CCSER1: variants seen among roughly 807,000 people sequenced by gnomAD.
CCSER1 encodes coiled-coil serine rich protein 1.
Under a neutral mutation model 82.0 loss-of-function variants are expected in CCSER1, and 41 were observed. The ratio of observed to expected loss-of-function variants is 0.50; its 90% CI spans 0.39 to 0.65. The LOEUF is 0.65. Among genes scored for constraint, CCSER1 ranks in the 30% least tolerant of loss-of-function variants. CCSER1 has a pLI of 0.00. For synonymous variants in CCSER1, 414 were observed against 383.9 expected, an observed-to-expected ratio of 1.08 and a Z score of -0.92; for missense variants, 1,119 against 1,064.2, an observed-to-expected ratio of 1.05 and a Z score of -0.72.
At chr4:90,183,483 TTTGA>T (rs1172311114) in intron 1 of CCSER1, among the ~76,000 whole-genome samples, 1 of 152,090 alleles carries the variant, frequency 6.6e-6, no homozygotes, top group Non-Finnish European at 1.5e-5. Context: ...GTGGAGTCCT[TTTGA>T]TATTGCTTAC....
intron 9 of CCSER1, among the ~76,000 whole-genome samples, chr4:91,053,940 T>G (rs1427147978): frequency 6.6e-6 from 1 of 152,234 alleles, no homozygotes; most frequent in Admixed American, 6.5e-5. Context: ...CAGTCCCCTA[T>G]GGAGGGACAT....
intron 10 of CCSER1, among the ~76,000 whole-genome samples, chr4:91,424,031 A>G: frequency 1.6e-5 from 1 of 61,618 alleles, no homozygotes; most frequent in Non-Finnish European, 3.0e-5. Context: ...TTTTTTTGAG[A>G]CGGAGTCTCG....
chr4:91,128,502 G>T (rs140891229), intron 10 of CCSER1, among the ~76,000 whole-genome samples: 1 of 151,922 alleles, frequency 6.6e-6, no homozygotes, highest in African/African-American at 2.4e-5. Context: ...AACACAACAG[G>T]TGTATGCATG....
At chr4:90,598,140 C>T (rs1297148256) in intron 5 of CCSER1, among the ~76,000 whole-genome samples, 2 of 152,068 alleles carry the variant, frequency 1.3e-5, no homozygotes, top group East Asian at 1.9e-4. Context: ...GATTTCATAT[C>T]TTTTGAGTCT....
At chr4:91,067,349 CT>C (rs1293928080) in intron 9 of CCSER1, among the ~76,000 whole-genome samples, 9 of 135,506 alleles carry the variant, frequency 6.6e-5, no homozygotes, top group Admixed American at 7.3e-5. Flanking sequence ...TTTTTTTTTT[CT>C]TTTTTTTTTG....
chr4:91,167,692 G>A (rs1460072470), intron 10 of CCSER1, among the ~76,000 whole-genome samples: 1 of 152,158 alleles, frequency 6.6e-6, no homozygotes, highest in Non-Finnish European at 1.5e-5. Flanking sequence ...TAGAACTGAG[G>A]AAACTGTGGC....
chr4:90,461,258 G>A (rs1560553574), intron 4 of CCSER1, among the ~76,000 whole-genome samples: 2 of 125,940 alleles, frequency 1.6e-5, no homozygotes. Flanking sequence ...GTAGAGACGG[G>A]GTTTCACCGT....
chr4:91,543,796 G>A (rs1315280585), intron 10 of CCSER1, among the ~76,000 whole-genome samples: 10 of 152,080 alleles, frequency 6.6e-5, no homozygotes, highest in Admixed American at 2.0e-4. Flanking sequence ...TGCTCTTCTC[G>A]AGGAGTATCT....
intron 6 of CCSER1, among the ~76,000 whole-genome samples, chr4:90,673,210 A>G (rs1733141364): frequency 6.6e-6 from 1 of 152,004 alleles, no homozygotes; most frequent in Non-Finnish European, 1.5e-5. Context: ...ACAATGAGTT[A>G]TGTACTAAAA....
chr4:90,773,750 A>T (rs1432673121), intron 7 of CCSER1, among the ~76,000 whole-genome samples: 1 of 152,210 alleles, frequency 6.6e-6, no homozygotes, highest in African/African-American at 2.4e-5. Flanking sequence ...CAGAAATTGT[A>T]GTTCCCATCC....
At chr4:90,921,081 T>G (rs2150241945) in intron 8 of CCSER1, among the ~76,000 whole-genome samples, 1 of 151,940 alleles carries the variant, frequency 6.6e-6, no homozygotes, top group Non-Finnish European at 1.5e-5. Context: ...TAGCTACTTT[T>G]GTGGTACATT....
chr4:91,173,725 T>A (rs570839805), intron 10 of CCSER1, among the ~76,000 whole-genome samples: 21 of 152,314 alleles, frequency 1.4e-4, no homozygotes, highest in Middle Eastern at 3.4e-3. Context: ...TTAGCCATTT[T>A]AATGCTCTAC....
chr4:90,363,611 A>C (rs902313719), intron 3 of CCSER1, among the ~76,000 whole-genome samples: 3 of 152,108 alleles, frequency 2.0e-5, no homozygotes, highest in African/African-American at 7.2e-5. Context: ...GCAGAAAGAA[A>C]AAAAAAATCT....
intron 1 of CCSER1, among the ~76,000 whole-genome samples, chr4:90,292,154 G>T (rs1022890193): frequency 6.6e-6 from 1 of 151,726 alleles, no homozygotes; most frequent in Non-Finnish European, 1.5e-5. Context: ...CTATCATTTT[G>T]CTCTTTTTTT....
At chr4:91,301,540 GTATATA>G (rs71596557) in intron 10 of CCSER1, among the ~76,000 whole-genome samples, 1 of 146,636 alleles carries the variant, frequency 6.8e-6, no homozygotes, top group Admixed American at 6.9e-5. Flanking sequence ...ATAAAATATA[GTATATA>G]TATATATATA....
intron 10 of CCSER1, among the ~76,000 whole-genome samples, chr4:91,595,718 G>A (rs112865502): frequency 0.01 from 1,549 of 152,120 alleles, 10 homozygotes; most frequent in Middle Eastern, 0.02. Context: ...ACTAGAAAGT[G>A]TCTGACTTGA....
chr4:90,686,146 A>G (rs758969936), intron 6 of CCSER1, among the ~76,000 whole-genome samples: 2 of 152,166 alleles, frequency 1.3e-5, no homozygotes, highest in Non-Finnish European at 2.9e-5. Context: ...TAACCTAGGC[A>G]GAGAGCTTAT....
chr4:91,396,768 T>C (rs1752004724), intron 10 of CCSER1, among the ~76,000 whole-genome samples: 1 of 152,066 alleles, frequency 6.6e-6, no homozygotes, highest in Non-Finnish European at 1.5e-5. Flanking sequence ...TTTCCTTTGA[T>C]ACCTAACCAT....
intron 1 of CCSER1, among the ~76,000 whole-genome samples, chr4:90,256,965 T>G (rs1578786837): frequency 6.6e-6 from 1 of 152,114 alleles, no homozygotes; most frequent in Non-Finnish European, 1.5e-5. Flanking sequence ...ACCATATATA[T>G]GTATGTATAA....
Sources: allele counts gnomAD v4.1 joint callset (sites outside exome capture counted in the v4.1 genomes callset), GRCh38; gene constraint gnomAD v4.1.1; transcripts MANE v1.5; gene names NCBI Gene and HGNC (gene_info 2026-07-23, HGNC 2026-07-21).